MR1: variants seen among roughly 807,000 people sequenced by gnomAD.
The protein encoded by MR1 is major histocompatibility complex class I-related protein 1.
Under a neutral mutation model 37.8 loss-of-function variants are expected in MR1, and 44 were observed. The ratio of observed to expected loss-of-function variants is 1.16; its 90% CI spans 0.91 to 1.50. The LOEUF (loss-of-function observed/expected upper bound fraction) is 1.50, where lower values mean the gene tolerates loss of function less well. MR1 is among the 40% of genes most tolerant of loss of function. The pLI, the probability that MR1 is intolerant of heterozygous loss-of-function variation, is 0.00. For missense variants in MR1, 386 were observed against 419.1 expected, an observed-to-expected ratio of 0.92 and a Z score of 0.69; for synonymous variants, 153 against 155.8, an observed-to-expected ratio of 0.98 and a Z score of 0.13.
In MR1 at chr1:181,049,985, C is replaced by A. The variant is rs781196398; in HGVS notation, c.329-26C>A. 6 of 1,604,976 alleles carry A rather than the reference C, an allele frequency of 3.7e-6. No homozygotes were observed. In the African/African-American group the frequency reaches 8.0e-5, roughly 21 times the overall value. On this transcript the variant is annotated intron_variant, in intron 2 of 5. Transcript: ENST00000367580. ...GCCCACCTCTGTCTCTGTGTGGACC[C>A]CTCTGGGCTTCTGTGTGTGTTCCAG...
intron 1 of MR1, among the ~76,000 whole-genome samples, chr1:181,042,704 G>A (rs1295636076): frequency 6.6e-6 from 1 of 152,008 alleles, no homozygotes; most frequent in East Asian, 2.0e-4. Flanking sequence ...TACTTGGGAG[G>A]CTGGGGCAGG....
intron 1 of MR1, among the ~76,000 whole-genome samples, chr1:181,044,120 C>T (rs1320772946): frequency 2.6e-5 from 4 of 151,968 alleles, no homozygotes; most frequent in African/African-American, 7.3e-5. Flanking sequence ...CCTGCCACAA[C>T]GCCTGGCTAA....
intron 1 of MR1, among the ~76,000 whole-genome samples, chr1:181,038,693 G>A (rs1389904936): frequency 6.6e-6 from 1 of 152,230 alleles, no homozygotes; most frequent in Non-Finnish European, 1.5e-5. Flanking sequence ...GGAGGGTTGG[G>A]TAGTCTCAAG....
intron 4 of MR1, among the ~76,000 whole-genome samples, chr1:181,053,039 T>A (rs1658408746): frequency 6.6e-6 from 1 of 151,874 alleles, no homozygotes; most frequent in Non-Finnish European, 1.5e-5. Flanking sequence ...CACTCCAGCC[T>A]GTGCGAAGGG....
Position 181,034,031 on chromosome 1 carries a change from G to A in MR1, c.24G>A (p.Leu8=). ...CTATGGGGGAACTGATGGCGTTCCTGTTACCTCTCATCATTGTGTTAATGG... is the reference window on the plus strand; with the variant it reads ...CTATGGGGGAACTGATGGCGTTCCTATTACCTCTCATCATTGTGTTAATGG... MGELMAF[L]LPLIIVLMVK... is the part of the protein sequence containing the mutation. The change falls in exon 1 of 6, where the codon CTG becomes CTA. Residue 8 remains leucine, a synonymous_variant. Transcript: ENST00000367580. The A allele has an allele frequency of 6.2e-7, 1 of 1,613,080 alleles. No homozygotes were observed. Among genetic ancestry groups the A allele is most frequent in the Non-Finnish European group, 8.5e-7 (1 of 1,179,682 alleles).
At chr1:181,040,488 A>G (rs16856661) in intron 1 of MR1, among the ~76,000 whole-genome samples, 44,991 of 151,990 alleles carry the variant, frequency 0.3, 7,624 homozygotes, top group African/African-American at 0.47. Context: ...ACATGTGTCA[A>G]TCAACTTCCC....
At chr1:181,047,460 A>T (rs935285437) in intron 1 of MR1, among the ~76,000 whole-genome samples, 2 of 152,154 alleles carry the variant, frequency 1.3e-5, no homozygotes, top group Admixed American at 1.3e-4. Context: ...TTAGCCAGGC[A>T]TGCTGGCACA....
intron 1 of MR1, among the ~76,000 whole-genome samples, chr1:181,046,683 C>G (rs1404039102): frequency 6.6e-6 from 1 of 152,126 alleles, no homozygotes; most frequent in African/African-American, 2.4e-5. Context: ...CGCTTCCACA[C>G]TGTGGAAGCT....
intron 3 of MR1, 31 bp downstream of exon 3, chr1:181,050,317 A>G (rs1485358640): frequency 1.2e-6 from 2 of 1,613,328 alleles, no homozygotes; most frequent in Non-Finnish European, 1.7e-6. Flanking sequence ...TCATTCCCAC[A>G]TTGCCTGAAC....
At chr1:181,036,394 T>G (rs560497863) in intron 1 of MR1, among the ~76,000 whole-genome samples, 15 of 152,264 alleles carry the variant, frequency 9.9e-5, no homozygotes, top group Non-Finnish European at 1.9e-4. Flanking sequence ...TGTTTCCTGC[T>G]AGGACCCTAA....
chr1:181,051,998 T>C (rs1571398372), intron 3 of MR1, among the ~76,000 whole-genome samples: 3 of 152,192 alleles, frequency 2.0e-5, no homozygotes, highest in Admixed American at 6.5e-5. Flanking sequence ...CTGTATGACT[T>C]TCCCCCCTTA....
At chr1:181,039,963 C>G (rs1302020418) in intron 1 of MR1, among the ~76,000 whole-genome samples, 1 of 151,970 alleles carries the variant, frequency 6.6e-6, no homozygotes, top group South Asian at 2.1e-4. Flanking sequence ...ATTTTCACAG[C>G]CTTTTGTAAG....
chr1:181,044,180 G>GTCTCGA (rs914771510), intron 1 of MR1, among the ~76,000 whole-genome samples: 6 of 152,172 alleles, frequency 3.9e-5, no homozygotes, highest in African/African-American at 1.2e-4. Context: ...AGCCAGGTTG[G>GTCTCGA]TCTCGATCTC....
intron 1 of MR1, among the ~76,000 whole-genome samples, chr1:181,040,980 G>A (rs1454794438): frequency 6.6e-6 from 1 of 151,974 alleles, no homozygotes; most frequent in Non-Finnish European, 1.5e-5. Context: ...TACTTGGGAG[G>A]CTGAGGCAGG....
At chr1:181,045,774 C>T (rs1303434740) in intron 1 of MR1, among the ~76,000 whole-genome samples, 1 of 152,248 alleles carries the variant, frequency 6.6e-6, no homozygotes, top group Non-Finnish European at 1.5e-5. Context: ...ACTGTGGGAG[C>T]CCCTTTCTGG....
chr1:181,050,338 A>G lies in MR1; in HGVS notation c.604+52A>G, dbSNP rs950180167. 6 of 1,606,370 alleles carry G rather than the reference A, an allele frequency of 3.7e-6. No homozygotes were observed. In the African/African-American group the frequency reaches 5.4e-5, roughly 14 times the overall value. ...CCACATTGCCTGAACAACTGTTTTT[A>G]TACGTAACTCTTTTAATCTAGGTTA... On this transcript the variant is annotated intron_variant, in intron 3 of 5. Transcript: ENST00000367580.
intron 1 of MR1, among the ~76,000 whole-genome samples, chr1:181,047,208 C>T (rs1055191052): frequency 2.8e-4 from 42 of 152,132 alleles, no homozygotes; most frequent in African/African-American, 9.9e-4. Flanking sequence ...TACTTTTAAC[C>T]CTTATTACAA....
At chr1:181,044,096 T>C (rs954115739) in intron 1 of MR1, among the ~76,000 whole-genome samples, 4 of 151,678 alleles carry the variant, frequency 2.6e-5, no homozygotes, top group Admixed American at 6.6e-5. Flanking sequence ...CCCAAGTAGC[T>C]GGGACTACAG....
chr1:181,043,961 C>CTTT (rs11347634), intron 1 of MR1, among the ~76,000 whole-genome samples: 19 of 98,180 alleles, frequency 1.9e-4, no homozygotes, highest in African/African-American at 2.7e-4. Flanking sequence ...TTTGTCTGAT[C>CTTT]TTTTTTTTTT....
Sources: gnomAD v4.1 joint callset for allele counts (sites outside exome capture counted in the v4.1 genomes callset) on GRCh38, gnomAD v4.1.1 for gene constraint, MANE v1.5 for transcripts, NCBI Gene and HGNC (gene_info 2026-07-23, HGNC 2026-07-21) for gene names.